Variants in NRG1 observed in about 807,000 individuals in gnomAD.
NRG1 encodes pro-neuregulin-1, membrane-bound isoform.
A neutral mutation model predicts 63.8 loss-of-function variants in NRG1; 18 were observed. The observed-to-expected ratio is 0.28, with a 90% confidence interval of 0.19 to 0.42. The LOEUF is 0.42. Ranked by LOEUF, NRG1 falls within the 10% of genes least tolerant of loss-of-function variation. NRG1 has a pLI of 1.00. For missense variants in NRG1, 762 were observed against 814.7 expected, an observed-to-expected ratio of 0.94 and a Z score of 0.79; for synonymous variants, 302 against 301.3, an observed-to-expected ratio of 1.00 and a Z score of -0.02.
intron 1 of NRG1, among the ~76,000 whole-genome samples, chr8:32,517,585 G>A (rs1167733835): frequency 6.6e-6 from 1 of 152,144 alleles, no homozygotes; most frequent in Non-Finnish European, 1.5e-5. Context: ...CATGTCTAAT[G>A]TGTGTATACT....
At chr8:32,127,173 G>A (rs1834185309) in intron 1 of NRG1, among the ~76,000 whole-genome samples, 1 of 151,932 alleles carries the variant, frequency 6.6e-6, no homozygotes, top group South Asian at 2.1e-4. Flanking sequence ...AGCCTAGGAT[G>A]TAGGACAAGT....
intron 2 of NRG1, 39 bp downstream of exon 2, chr8:32,596,044 CAATA>C: frequency 1.3e-6 from 2 of 1,489,638 alleles, no homozygotes; most frequent in Non-Finnish European, 1.8e-6. Context: ...CTGCCCCCAG[CAATA>C]AGATAACATA....
intron 1 of NRG1, among the ~76,000 whole-genome samples, chr8:32,141,642 G>A (rs1371030844): frequency 8.2e-6 from 1 of 122,092 alleles, no homozygotes; most frequent in Non-Finnish European, 1.7e-5. Flanking sequence ...ATGATGCATG[G>A]AGAGATATCT....
At chr8:32,167,389 T>G (rs1391196304) in intron 1 of NRG1, among the ~76,000 whole-genome samples, 1 of 152,192 alleles carries the variant, frequency 6.6e-6, no homozygotes, top group East Asian at 1.9e-4. Context: ...CTTAGCATAT[T>G]GCAGGCACTC....
At chr8:31,801,427 G>C (rs1178238757) in intron 1 of NRG1, among the ~76,000 whole-genome samples, 1 of 151,966 alleles carries the variant, frequency 6.6e-6, no homozygotes. Flanking sequence ...AATAATTATT[G>C]AGTCATTTTC....
intron 1 of NRG1, among the ~76,000 whole-genome samples, chr8:31,764,141 T>C (rs1051777953): frequency 6.6e-6 from 1 of 152,174 alleles, no homozygotes; most frequent in Non-Finnish European, 1.5e-5. Context: ...CCTCTTGTCT[T>C]TGACTAGTCA....
intron 5 of NRG1, among the ~76,000 whole-genome samples, chr8:32,682,980 T>C (rs1201971585): frequency 6.6e-6 from 1 of 152,148 alleles, no homozygotes; most frequent in Non-Finnish European, 1.5e-5. Context: ...CTTTTATCTT[T>C]ATAATAATAA....
At chr8:31,747,631 C>G (rs1485269134) in intron 1 of NRG1, among the ~76,000 whole-genome samples, 1 of 151,910 alleles carries the variant, frequency 6.6e-6, no homozygotes, top group Non-Finnish European at 1.5e-5. Flanking sequence ...TGTGTGGTCA[C>G]AAGAATATTT....
chr8:32,064,158 G>C (rs1007836267), intron 1 of NRG1, among the ~76,000 whole-genome samples: 3 of 152,094 alleles, frequency 2.0e-5, no homozygotes, highest in Non-Finnish European at 4.4e-5. Context: ...GTGGGTTTGG[G>C]GTAAGAGCTA....
At position 32,528,604 on chromosome 8, in the gene NRG1, T is replaced by G. The variant is rs79013066; in HGVS notation, c.38-67224T>G. Among the ~76,000 whole-genome samples, 38 of 152,348 alleles carry G rather than the reference T, an allele frequency of 2.5e-4. No individual in the cohort carries two copies. In the East Asian group the frequency reaches 6.0e-3, roughly 24 times the overall value. On this transcript the variant is annotated intron_variant, in intron 1 of 10. Coordinates refer to the NRG1 transcript ENST00000519301. ...TTACTCTTTCTCAGAGAAATTCTTC[T>G]CTTCTTCCCACATTGTTTGACTGCT...
chr8:32,076,665 C>T (rs1248809107), intron 1 of NRG1, among the ~76,000 whole-genome samples: 1 of 151,642 alleles, frequency 6.6e-6, no homozygotes, highest in Non-Finnish European at 1.5e-5. Flanking sequence ...CAACAAACCC[C>T]CATGACACAA....
chr8:32,367,895 C>T (rs746878158), intron 1 of NRG1, among the ~76,000 whole-genome samples: 1 of 152,106 alleles, frequency 6.6e-6, no homozygotes, highest in Non-Finnish European at 1.5e-5. Context: ...ATATGGATGT[C>T]CAGTTTTCTC....
intron 1 of NRG1, among the ~76,000 whole-genome samples, chr8:32,273,385 T>G (rs2129472604): frequency 6.6e-6 from 1 of 152,338 alleles, no homozygotes; most frequent in East Asian, 1.9e-4. Flanking sequence ...TCAGGATATC[T>G]TCCAAAGAGA....
intron 1 of NRG1, among the ~76,000 whole-genome samples, chr8:32,566,166 G>A (rs2129527779): frequency 6.6e-6 from 1 of 152,144 alleles, no homozygotes; most frequent in East Asian, 1.9e-4. Flanking sequence ...TGACCAGCCT[G>A]ACCAACATGG....
At chr8:32,681,466 T>C (rs751495393) in intron 5 of NRG1, among the ~76,000 whole-genome samples, 1 of 152,160 alleles carries the variant, frequency 6.6e-6, no homozygotes, top group Non-Finnish European at 1.5e-5. Context: ...TTCCTGTGTA[T>C]TGTCTCCCAT....
chr8:32,322,217 G>A (rs1263027692), intron 1 of NRG1, among the ~76,000 whole-genome samples: 1 of 151,580 alleles, frequency 6.6e-6, no homozygotes, highest in Non-Finnish European at 1.5e-5. Context: ...AAGAATGATA[G>A]CATTTCCTTT....
intron 1 of NRG1, among the ~76,000 whole-genome samples, chr8:31,855,701 C>T (rs1252255391): frequency 2.0e-5 from 3 of 152,134 alleles, no homozygotes; most frequent in African/African-American, 7.2e-5. Flanking sequence ...CAGTTTCTTC[C>T]TAGTATCGAT....
At chr8:32,462,667 A>G (rs1316852075) in intron 1 of NRG1, among the ~76,000 whole-genome samples, 1 of 141,956 alleles carries the variant, frequency 7.0e-6, no homozygotes, top group Non-Finnish European at 1.5e-5. Flanking sequence ...TCAGTGGCGC[A>G]ATCTCGGCTC....
At chr8:32,191,796 C>G (rs1842520887) in intron 1 of NRG1, among the ~76,000 whole-genome samples, 1 of 152,164 alleles carries the variant, frequency 6.6e-6, no homozygotes, top group Middle Eastern at 3.2e-3. Context: ...GGACAAAGAG[C>G]CAAGGCAGCT....
Sources: allele counts gnomAD v4.1 joint callset (sites outside exome capture counted in the v4.1 genomes callset), GRCh38; gene constraint gnomAD v4.1.1; transcripts MANE v1.5; gene names NCBI Gene and HGNC (gene_info 2026-07-23, HGNC 2026-07-21).